Variants in PLAA observed in about 807,000 individuals in gnomAD.
The protein encoded by PLAA is phospholipase A-2-activating protein.
PLAA carries 48 observed loss-of-function variants against 84.1 expected under a neutral mutation model. That is an observed-to-expected ratio of 0.57 (90% CI 0.45 to 0.73). The LOEUF (loss-of-function observed/expected upper bound fraction) is 0.73. Ranked by LOEUF, PLAA falls within the 30% of genes least tolerant of loss-of-function variation. The pLI is 0.00. For synonymous variants in PLAA, 392 were observed against 336.6 expected, an observed-to-expected ratio of 1.16 and a Z score of -1.80; for missense variants, 903 against 954.7, an observed-to-expected ratio of 0.95 and a Z score of 0.71.
chr9:26,909,631 T>C (rs954223745), intron 12 of PLAA, among the ~76,000 whole-genome samples: 2 of 151,900 alleles, frequency 1.3e-5, no homozygotes, highest in Admixed American at 1.3e-4. Flanking sequence ...TTTTTTTTTT[T>C]TCTCCTTGAG....
chr9:26,942,718 T>C (rs11999015), intron 1 of PLAA, among the ~76,000 whole-genome samples: 17,386 of 151,746 alleles, frequency 0.11, 1,113 homozygotes, highest in African/African-American at 0.18. Flanking sequence ...CCGTCTCTAC[T>C]AAAAATACAA....
At chr9:26,940,693 T>C (rs1825504094) in intron 1 of PLAA, among the ~76,000 whole-genome samples, 1 of 152,120 alleles carries the variant, frequency 6.6e-6, no homozygotes, top group Non-Finnish European at 1.5e-5. Context: ...AGGAAAAGAA[T>C]TAACAGCACT....
At chr9:26,941,378 A>G (rs1670333666) in intron 1 of PLAA, among the ~76,000 whole-genome samples, 4 of 152,086 alleles carry the variant, frequency 2.6e-5, no homozygotes, top group African/African-American at 9.7e-5. Context: ...AACCCTGGAA[A>G]CCATACCCTC....
chr9:26,912,065 C>T (rs1043392832), intron 11 of PLAA, among the ~76,000 whole-genome samples: 1 of 152,054 alleles, frequency 6.6e-6, no homozygotes, highest in African/African-American at 2.4e-5. Flanking sequence ...ATGAAAAGTT[C>T]CCTGATGGAA....
intron 1 of PLAA, among the ~76,000 whole-genome samples, chr9:26,936,201 TTA>T (rs946473364): frequency 1.6e-4 from 24 of 152,074 alleles, no homozygotes; most frequent in Admixed American, 2.6e-4. Flanking sequence ...CAATAAATAC[TTA>T]TGTTTTTTAA....
intron 11 of PLAA, 92 bp from the exon 12 acceptor site, chr9:26,910,531 G>A: frequency 1.1e-6 from 1 of 884,780 alleles, no homozygotes; most frequent in Non-Finnish European, 1.8e-6. Context: ...CAATTATTGA[G>A]ATATGCAACT....
rs1043274530 is a variant in PLAA at position 26,905,465 on chromosome 9, A to G, written c.*46T>C. On this transcript the variant is annotated 3_prime_UTR_variant, in exon 14 of 14. Coordinates refer to ENST00000397292, the MANE Select transcript of PLAA (RefSeq NM_001031689.3). ...GTTATCAGTCATGTCAAATGTGAGG[A>G]AAAAAACACTAATCAATTAAAAATA... 13 of 1,353,824 alleles carry G rather than the reference A, an allele frequency of 9.6e-6. No individual in the cohort carries two copies. Among genetic ancestry groups the G allele is most frequent in the Admixed American group, 4.2e-5 (2 of 47,898 alleles). 83.9% of individuals were successfully genotyped at this position (1,353,824 alleles called of 1,614,324 possible).
intron 2 of PLAA, among the ~76,000 whole-genome samples, chr9:26,931,978 T>C (rs1273146407): frequency 3.9e-5 from 6 of 152,244 alleles, no homozygotes; most frequent in Middle Eastern, 3.4e-3. Context: ...TCCCAGCTAC[T>C]TGGGAGGCAG....
intron 1 of PLAA, among the ~76,000 whole-genome samples, chr9:26,945,919 T>C (rs1825684499): frequency 6.6e-6 from 1 of 152,236 alleles, no homozygotes; most frequent in Non-Finnish European, 1.5e-5. Flanking sequence ...TAACTGTATG[T>C]TTTCTTCACA....
rs879735048 is a variant in PLAA at position 26,920,085 on chromosome 9, A to AG, written c.1197+141dup. ...ACTTTTAAAATATCTATTTCAAGAC[A>AG]GGGAAAAAAAAGATTAGTTTCCCAC... On this transcript the variant is annotated intron_variant, in intron 8 of 13. Transcript: ENST00000397292. The AG allele has an allele frequency of 8.9e-4, 548 of 616,468 alleles. 2 individuals are homozygous for AG. The highest frequency in any genetic ancestry group is 1.2e-3 in the Non-Finnish European group (437 of 361,370). 38.2% of individuals were successfully genotyped at this position (616,468 alleles called of 1,614,324 possible). A position where few individuals can be genotyped will look rare whatever the true frequency, so the allele number is the denominator to read the frequency against.
At chr9:26,916,172 A>T in intron 10 of PLAA, 2 of 983,880 alleles carry the variant, frequency 2.0e-6, no homozygotes, top group Non-Finnish European at 1.2e-6. Context: ...CTAACGTTGT[A>T]TGTTTGTCCA....
Position 26,904,487 on chromosome 9 carries a change from T to A in PLAA, c.*1024A>T, listed in dbSNP as rs1824169674. ...AGTATAGCATAGCATGTACTTTAAG[T>A]AGTTAACTCCCTCTTGGCTTCACTT... is the stretch of plus-strand genomic sequence containing the variant. On this transcript the variant is annotated 3_prime_UTR_variant, in exon 14 of 14. Transcript: ENST00000397292. The A allele has an allele frequency of 6.6e-6, 1 of 152,146 alleles. No individual in the cohort carries two copies. Among genetic ancestry groups the A allele is most frequent in the Non-Finnish European group, 1.5e-5 (1 of 68,000 alleles). The allele number at this position is 152,146 out of a possible 1,614,324, so 9.4% of individuals were successfully genotyped here.
intron 2 of PLAA, among the ~76,000 whole-genome samples, chr9:26,931,808 G>C (rs554195330): frequency 6.6e-6 from 1 of 152,166 alleles, no homozygotes; most frequent in Non-Finnish European, 1.5e-5. Flanking sequence ...TTGGAAGGCC[G>C]AGGCAGGCAG....
rs1166084133 is a variant in PLAA at position 26,947,190 on chromosome 9, G to A, written c.-145C>T. 7.1e-6 allele frequency: 7 copies of A among 989,806 alleles called. No individual in the cohort carries two copies. Among genetic ancestry groups the A allele is most frequent in the Non-Finnish European group, 9.8e-6 (7 of 714,140 alleles). 61.3% of individuals were successfully genotyped at this position (989,806 alleles called of 1,614,324 possible). A position where few individuals can be genotyped will look rare whatever the true frequency, so the allele number is the denominator to read the frequency against. ...CCGGAAGAGCCCGAGAGCCGGTACG[G>A]AAGGGCGGCTGGGAAGGGGCGCGCC... is the stretch of plus-strand genomic sequence containing the variant. On this transcript the variant is annotated 5_prime_UTR_variant, in exon 1 of 14. Coordinates refer to ENST00000397292, the MANE Select transcript of PLAA (RefSeq NM_001031689.3).
At chr9:26,909,986 C>A (rs1010473776) in intron 12 of PLAA, among the ~76,000 whole-genome samples, 3 of 152,194 alleles carry the variant, frequency 2.0e-5, no homozygotes, top group Admixed American at 6.5e-5. Context: ...GGCCACTAAT[C>A]TTTTAAAGAT....
intron 6 of PLAA, among the ~76,000 whole-genome samples, chr9:26,925,008 T>A (rs1178859731): frequency 6.6e-6 from 1 of 152,222 alleles, no homozygotes; most frequent in Non-Finnish European, 1.5e-5. Context: ...CTTCTCCATT[T>A]TTATTAATGA....
intron 1 of PLAA, among the ~76,000 whole-genome samples, chr9:26,944,382 A>C (rs1018508115): frequency 5.3e-5 from 8 of 152,200 alleles, no homozygotes; most frequent in Non-Finnish European, 1.2e-4. Flanking sequence ...AAAATTGTCA[A>C]TATGTCAGAT....
intron 1 of PLAA, among the ~76,000 whole-genome samples, chr9:26,941,181 C>T (rs7048060): frequency 0.26 from 32,901 of 125,038 alleles, 3,938 homozygotes; most frequent in Middle Eastern, 0.43. Context: ...AAACAAAACA[C>T]GGGGGGTGGG....
At chr9:26,917,031 A>AG in intron 10 of PLAA, 66 bp downstream of exon 10, 1 of 1,299,324 alleles carries the variant, frequency 7.7e-7, no homozygotes, top group Non-Finnish European at 1.1e-6. Flanking sequence ...CAAGATGTAA[A>AG]GCCATGTGAT....
Sources: gnomAD v4.1 joint callset for allele counts (sites outside exome capture counted in the v4.1 genomes callset) on GRCh38, gnomAD v4.1.1 for gene constraint, MANE v1.5 for transcripts, NCBI Gene and HGNC (gene_info 2026-07-23, HGNC 2026-07-21) for gene names.